Variants in RPL3L observed in about 807,000 individuals in gnomAD.
RPL3L encodes ribosomal protein L3 like, also known as ribosomal protein uL3-like.
Under a neutral mutation model 44.5 loss-of-function variants are expected in RPL3L, and 44 were observed. That is an observed-to-expected ratio of 0.99 (90% CI 0.78 to 1.27). The LOEUF is 1.27. Among genes scored for constraint, RPL3L ranks in the 50% most tolerant of loss-of-function variants. The probability of loss-of-function intolerance (pLI) is 0.00; values close to 1 mark genes in which losing one functional copy is unlikely to be tolerated. For missense variants in RPL3L, 631 were observed against 569.1 expected (o/e 1.11, Z -1.11); for synonymous variants, 292 against 230.7 (o/e 1.27, Z -2.41).
In RPL3L at chr16:1,954,618, G is replaced by A; in HGVS notation, c.3+11C>T. ...CCAACCCCAGCCCACCCTCACCCTG[G>A]TCCCACCAACCATGGTGGCCGATCC... On this transcript the variant is annotated intron_variant, in intron 1 of 9. Coordinates refer to ENST00000268661, the MANE Select transcript of RPL3L (RefSeq NM_005061.3). The A allele has an allele frequency of 6.5e-7, 1 of 1,547,438 alleles. No homozygotes were observed. The highest frequency in any genetic ancestry group is 8.7e-7 in the Non-Finnish European group (1 of 1,149,144).
At position 1,950,960 on chromosome 16, in the gene RPL3L, C is replaced by CT. The variant is rs775726501; in HGVS notation, c.384dup (p.Ala129SerfsTer87). ...CACCTCTTGCAGGCCTTGGTGAAGG[C>CT]TTTCTTCTTGCTCTTGTGCCTGAGC... On this transcript the variant is annotated frameshift_variant, in exon 4 of 10. Coordinates refer to ENST00000268661, the MANE Select transcript of RPL3L (RefSeq NM_005061.3). LOFTEE classifies it high-confidence loss of function. 6.2e-7 allele frequency: 1 copy of CT among 1,613,802 alleles called. No homozygotes were observed. Among genetic ancestry groups the CT allele is most frequent in the African/African-American group, 1.3e-5 (1 of 74,874 alleles).
chr16:1,951,726 C>CATTATT (rs71394716), intron 3 of RPL3L, among the ~76,000 whole-genome samples: 8,184 of 137,982 alleles, frequency 0.059, 296 homozygotes, highest in Non-Finnish European at 0.077. Flanking sequence ...GGGAGGTGGA[C>CATTATT]ATTATTATTA....
rs2037965373 is a variant in RPL3L, at chr16:1,954,609, C to T, written c.3+20G>A. 6.5e-7 allele frequency: 1 copy of T among 1,549,834 alleles called. No individual in the cohort carries two copies. The highest frequency in any genetic ancestry group is 8.7e-7 in the Non-Finnish European group (1 of 1,150,206). ...GTTCCAGCTCCAACCCCAGCCCACC[C>T]TCACCCTGGTCCCACCAACCATGGT... On this transcript the variant is annotated intron_variant, in intron 1 of 9. Transcript: ENST00000268661.
chr16:1,946,861 C>T, intron 6 of RPL3L, 77 bp downstream of exon 6: 1 of 1,556,950 alleles, frequency 6.4e-7, no homozygotes. Flanking sequence ...CTGGGTCATG[C>T]ACCCCACCCA....
chr16:1,953,327 C>T (rs1433682621), intron 2 of RPL3L, among the ~76,000 whole-genome samples: 4 of 151,810 alleles, frequency 2.6e-5, no homozygotes, highest in Non-Finnish European at 5.9e-5. Context: ...TCAAGTGATC[C>T]TCCCACCTCA....
rs1332927269 is a variant in RPL3L, at chr16:1,944,543, CAAAA to C, written c.*290_*293del. The C allele has an allele frequency of 8.8e-4, 97 of 110,140 alleles. No individual in the cohort carries two copies. Among genetic ancestry groups the C allele is most frequent in the South Asian group, 1.6e-3 (11 of 6,862 alleles). The allele number at this position is 110,140 out of a possible 1,614,324, so 6.8% of individuals were successfully genotyped here. On this transcript the variant is annotated 3_prime_UTR_variant, in exon 10 of 10. Coordinates refer to ENST00000268661, the MANE Select transcript of RPL3L (RefSeq NM_005061.3). ...CTGGGCGACAAGATCAAGACTCTCT[CAAAA>C]AAAAAAAAAAAAAAAACCTCTGCTC...
chr16:1,954,642 C>T lies in RPL3L; in HGVS notation c.-11G>A. ...GGTCCCACCAACCATGGTGGCCGAT[C>T]CCTGAAGGTCAGGAAGGGGCCTCGC... On this transcript the variant is annotated 5_prime_UTR_variant, in exon 1 of 10. Transcript: ENST00000268661. The T allele has an allele frequency of 6.4e-7, 1 of 1,550,754 alleles. No homozygotes were observed. Among genetic ancestry groups the T allele is most frequent in the Non-Finnish European group, 8.7e-7 (1 of 1,148,648 alleles).
chr16:1,953,369 G>A (rs931388866), intron 2 of RPL3L, among the ~76,000 whole-genome samples: 7 of 152,110 alleles, frequency 4.6e-5, no homozygotes, highest in African/African-American at 7.2e-5. Context: ...ACAGGCACTC[G>A]CCACAACGCC....
At position 1,946,651 on chromosome 16, in the gene RPL3L, C is replaced by G; in HGVS notation, c.925G>C (p.Val309Leu). Residue 309 changes from valine (V) to leucine (L), a missense_variant, in exon 7 of 10, where the codon GTG becomes CTG. Transcript: ENST00000268661. ...VKNNASTSYDVTAKSITPLGG... is the reference protein window; with the variant it reads ...VKNNASTSYDLTAKSITPLGG... Reference sequence around the variant, plus strand: ...AGCGGTGTGATGGACTTGGCAGTCACGTCGTAGCTGGTGGATGCATTGTTC... The same window carrying G: ...AGCGGTGTGATGGACTTGGCAGTCAGGTCGTAGCTGGTGGATGCATTGTTC... 6.2e-7 allele frequency: 1 copy of G among 1,612,758 alleles called. No homozygotes were observed.
chr16:1,948,401 T>C (rs527309723), intron 4 of RPL3L, among the ~76,000 whole-genome samples: 3 of 152,188 alleles, frequency 2.0e-5, no homozygotes, highest in South Asian at 2.1e-4. Flanking sequence ...TTTTTTTGTA[T>C]TTTTAGTACA....
intron 4 of RPL3L, among the ~76,000 whole-genome samples, chr16:1,949,009 C>CTTTTTTTTTTTTTTTTTTTTTTTT (rs34900670): frequency 1.6e-5 from 2 of 124,634 alleles, no homozygotes; most frequent in African/African-American, 3.3e-5. Flanking sequence ...CCGCGCCTGG[C>CTTTTTTTTTTTTTTTTTTTTTTTT]TTTTTTTTTT....
At chr16:1,953,829 T>G in intron 2 of RPL3L, 127 bp downstream of exon 2, 1 of 1,018,112 alleles carries the variant, frequency 9.8e-7, no homozygotes, top group Non-Finnish European at 1.3e-6. Context: ...CCACCCCAAT[T>G]CCCGGGGGCG....
chr16:1,944,613 A>G lies in RPL3L; in HGVS notation c.*224T>C. The G allele has an allele frequency of 1.9e-6, 1 of 529,846 alleles. No homozygotes were observed. Among genetic ancestry groups the G allele is most frequent in the Non-Finnish European group, 3.4e-6 (1 of 294,856 alleles). The allele number at this position is 529,846 out of a possible 1,614,324, so 32.8% of individuals were successfully genotyped here. A position where few individuals can be genotyped will look rare whatever the true frequency, so the allele number is the denominator to read the frequency against. On this transcript the variant is annotated 3_prime_UTR_variant, in exon 10 of 10. Transcript: ENST00000268661. ...AGATCGATTTGAGTAATAATAAAAC[A>G]TAAAACTCCGGTCTCCCGCACAGCC... is the stretch of plus-strand genomic sequence containing the variant.
chr16:1,950,707 G>C, intron 4 of RPL3L, 137 bp downstream of exon 4: 2 of 1,388,060 alleles, frequency 1.4e-6, no homozygotes. Flanking sequence ...CGTGGCCAGC[G>C]AGGCTGGTCA....
intron 2 of RPL3L, among the ~76,000 whole-genome samples, chr16:1,953,417 A>G (rs2083185059): frequency 6.6e-6 from 1 of 152,072 alleles, no homozygotes; most frequent in Non-Finnish European, 1.5e-5. Context: ...ATAGGGTTTC[A>G]CGATGCCGTC....
At chr16:1,948,466 C>A (rs1017347412) in intron 4 of RPL3L, among the ~76,000 whole-genome samples, 1 of 152,072 alleles carries the variant, frequency 6.6e-6, no homozygotes, top group Non-Finnish European at 1.5e-5. Flanking sequence ...TTCAAGCGAT[C>A]CACCCACCTT....
At position 1,948,606 on chromosome 16, in the gene RPL3L, C is replaced by T. The variant is rs1306510066; in HGVS notation, c.502-1226G>A. Among the ~76,000 whole-genome samples, 3 of 152,146 alleles carry T rather than the reference C, an allele frequency of 2.0e-5. No individual in the cohort carries two copies. In the East Asian group the frequency reaches 5.8e-4, roughly 29 times the overall value. On this transcript the variant is annotated intron_variant, in intron 4 of 9. Coordinates refer to ENST00000268661, the MANE Select transcript of RPL3L (RefSeq NM_005061.3). The stretch of plus-strand genomic sequence containing the variant: ...CTGGAGTGCAGTGGCATGATCAAGG[C>T]TCACTGCAGCCTCAGCCTCCCGGGC...
intron 4 of RPL3L, among the ~76,000 whole-genome samples, chr16:1,950,517 T>A (rs561910445): frequency 3.9e-5 from 6 of 152,216 alleles, no homozygotes; most frequent in African/African-American, 1.4e-4. Flanking sequence ...CAAACACGGA[T>A]TCCTGTGCAC....
In RPL3L at chr16:1,946,706, G is replaced by A; in HGVS notation, c.870C>T (p.Gly290=). Reference sequence around the variant, plus strand: ...CCAGCTTCCCGTCCTCCATGTGCGGGCCCCTGCCGATGCGGAAGATCTGCC... The same window carrying A: ...CCAGCTTCCCGTCCTCCATGTGCGGACCCCTGCCGATGCGGAAGATCTGCC... ...LNKKIFRIGR[G]PHMEDGKLVK... is the part of the protein sequence containing the mutation. The change falls in exon 7 of 10, where the codon GGC becomes GGT. Residue 290 remains glycine (G), a synonymous_variant. Coordinates refer to ENST00000268661, the MANE Select transcript of RPL3L (RefSeq NM_005061.3). The A allele has an allele frequency of 1.9e-6, 3 of 1,611,486 alleles. No homozygotes were observed. The highest frequency in any genetic ancestry group is 2.2e-5 in the South Asian group (2 of 91,084).
Sources: gnomAD v4.1 joint callset for allele counts (sites outside exome capture counted in the v4.1 genomes callset) on GRCh38, gnomAD v4.1.1 for gene constraint, MANE v1.5 for transcripts, NCBI Gene and HGNC (gene_info 2026-07-23, HGNC 2026-07-21) for gene names.